The following BCKDHB variants were observed in gnomAD, a reference collection of about 807,000 sequenced individuals.
BCKDHB encodes branched chain keto acid dehydrogenase E1 subunit beta.
BCKDHB carries 41 observed loss-of-function variants against 48.5 expected under a neutral mutation model. The ratio of observed to expected loss-of-function variants is 0.85; its 90% confidence interval spans 0.66 to 1.10. BCKDHB has a LOEUF of 1.10. Among genes scored for constraint, BCKDHB ranks in the 50% least tolerant of loss-of-function variants. BCKDHB has a pLI of 0.00. For missense variants in BCKDHB, 496 were observed against 494.2 expected, an observed-to-expected ratio of 1.00 and a Z score of -0.03; for synonymous variants, 201 against 174.8, an observed-to-expected ratio of 1.15 and a Z score of -1.18.
chr6:80,383,927 T>C, the BCKDHB span, among the ~76,000 whole-genome samples: 2 of 152,234 alleles, frequency 1.3e-5, no homozygotes, highest in Non-Finnish European at 2.9e-5. Context: ...TAAACAATTA[T>C]TGAGAAAATG....
At chr6:80,263,636 G>A (rs1348534679) in intron 8 of BCKDHB, among the ~76,000 whole-genome samples, 3 of 152,088 alleles carry the variant, frequency 2.0e-5, no homozygotes, top group Non-Finnish European at 2.9e-5. Flanking sequence ...TTAGAAAATA[G>A]GACCATTTAT....
At chr6:80,189,040 A>T (rs1476176964) in intron 6 of BCKDHB, among the ~76,000 whole-genome samples, 1 of 152,168 alleles carries the variant, frequency 6.6e-6, no homozygotes, top group Non-Finnish European at 1.5e-5. Context: ...TCAAGCCATA[A>T]TCTTCCACTT....
intron 4 of BCKDHB, 92 bp downstream of exon 4, chr6:80,167,903 C>A: frequency 7.9e-7 from 1 of 1,262,020 alleles, no homozygotes; most frequent in Non-Finnish European, 1.1e-6. Context: ...GCATTCTAAA[C>A]ATTTTATTAT....
At chr6:80,310,632 T>C (rs924946823) in intron 9 of BCKDHB, among the ~76,000 whole-genome samples, 2 of 152,216 alleles carry the variant, frequency 1.3e-5, no homozygotes, top group Non-Finnish European at 2.9e-5. Context: ...ATGGGATCGC[T>C]GGGTCAAATG....
chr6:80,398,173 T>A, the BCKDHB span, among the ~76,000 whole-genome samples: 12 of 151,292 alleles, frequency 7.9e-5, no homozygotes, highest in African/African-American at 2.7e-4. Flanking sequence ...AAAAAAAAAT[T>A]AGGGAAGCCA....
intron 7 of BCKDHB, among the ~76,000 whole-genome samples, chr6:80,201,456 CTATA>C (rs1399665184): frequency 1.3e-5 from 2 of 151,980 alleles, no homozygotes; most frequent in African/African-American, 4.8e-5. Context: ...GGTGAGGTGT[CTATA>C]TATATTAAAA....
the BCKDHB span, among the ~76,000 whole-genome samples, chr6:80,371,414 G>T: frequency 2.0e-5 from 3 of 151,934 alleles, no homozygotes; most frequent in Non-Finnish European, 2.9e-5. Context: ...AGATTGTGAA[G>T]ATTTTCTCTC....
At chr6:80,213,831 A>G (rs1337575289) in intron 8 of BCKDHB, among the ~76,000 whole-genome samples, 1 of 152,172 alleles carries the variant, frequency 6.6e-6, no homozygotes, top group Non-Finnish European at 1.5e-5. Flanking sequence ...CATAGAAATG[A>G]ATAGTTGTTC....
rs186254183 is a variant in BCKDHB, at chr6:80,339,275, C to A, written c.1039-4389C>A. Among the ~76,000 whole-genome samples the A allele has an allele frequency of 1.5e-4, 23 of 152,140 alleles. No homozygotes were observed. The East Asian group carries it at 4.4e-3, about 29-fold the overall frequency. On this transcript the variant is annotated intron_variant, in intron 9 of 9. Coordinates refer to ENST00000320393, the MANE Select transcript of BCKDHB (RefSeq NM_183050.4). ...TGACGTACTCTTAATTTTTAAAAGC[C>A]CCATAAATATATTTTACTTAAAACC...
chr6:80,426,456 C>A, the BCKDHB span, among the ~76,000 whole-genome samples: 3 of 152,104 alleles, frequency 2.0e-5, no homozygotes, highest in African/African-American at 7.2e-5. Context: ...TATAATCATA[C>A]AATGCTATAA....
chr6:80,397,451 A>C, the BCKDHB span, among the ~76,000 whole-genome samples: 3 of 152,206 alleles, frequency 2.0e-5, no homozygotes, highest in Admixed American at 1.3e-4. Flanking sequence ...TTTAACAGAG[A>C]TATCAAGAGA....
the BCKDHB span, among the ~76,000 whole-genome samples, chr6:80,372,996 A>G: frequency 1.0e-3 from 152 of 152,168 alleles, 2 homozygotes; most frequent in East Asian, 4.1e-3. Context: ...TTCTTTCTCT[A>G]TCTGTGGAAT....
intron 3 of BCKDHB, among the ~76,000 whole-genome samples, chr6:80,134,496 C>T (rs1428393325): frequency 1.3e-5 from 2 of 152,028 alleles, no homozygotes; most frequent in Admixed American, 1.3e-4. Context: ...GCCTCAGTAT[C>T]CTCATCAGTA....
chr6:80,400,311 C>T, the BCKDHB span, among the ~76,000 whole-genome samples: 4 of 151,924 alleles, frequency 2.6e-5, no homozygotes, highest in Non-Finnish European at 4.4e-5. Flanking sequence ...AAAATTTTTG[C>T]GTACTATGCA....
chr6:80,335,032 T>C (rs545011032), intron 9 of BCKDHB, among the ~76,000 whole-genome samples: 4 of 151,862 alleles, frequency 2.6e-5, no homozygotes, highest in Non-Finnish European at 5.9e-5. Context: ...GTCTTCAAAC[T>C]TAAAAACAGG....
intron 8 of BCKDHB, among the ~76,000 whole-genome samples, chr6:80,248,965 A>G (rs918074722): frequency 6.6e-6 from 1 of 151,338 alleles, no homozygotes; most frequent in Non-Finnish European, 1.5e-5. Context: ...GAATAGCCAT[A>G]GTGGTGTGGA....
chr6:80,388,143 C>G, the BCKDHB span, among the ~76,000 whole-genome samples: 3 of 152,268 alleles, frequency 2.0e-5, no homozygotes, highest in African/African-American at 7.2e-5. Flanking sequence ...GTTACTCTGG[C>G]CCATTTATTG....
intron 9 of BCKDHB, among the ~76,000 whole-genome samples, chr6:80,277,188 A>G (rs1442509306): frequency 1.3e-5 from 2 of 152,092 alleles, no homozygotes; most frequent in Admixed American, 6.5e-5. Context: ...GAGTTTAGAT[A>G]ATTCATTGTT....
intron 6 of BCKDHB, among the ~76,000 whole-genome samples, chr6:80,200,450 T>C (rs1364676085): frequency 6.6e-6 from 1 of 152,194 alleles, no homozygotes; most frequent in Admixed American, 6.5e-5. Context: ...TTCTAGAAAA[T>C]TGATCTGAGA....
Sources: gnomAD v4.1 joint callset for allele counts (sites outside exome capture counted in the v4.1 genomes callset) on GRCh38, gnomAD v4.1.1 for gene constraint, MANE v1.5 for transcripts, NCBI Gene and HGNC (gene_info 2026-07-23, HGNC 2026-07-21) for gene names.